The following PAH variants were observed in gnomAD, a reference collection of about 807,000 sequenced individuals.
The protein encoded by PAH is phenylalanine hydroxylase, also known as phenylalanine-4-hydroxylase.
Under a neutral mutation model 62.0 loss-of-function variants are expected in PAH, and 64 were observed. That is an observed-to-expected ratio of 1.03 (90% confidence interval 0.84 to 1.27). PAH has a LOEUF of 1.27. Ranked by LOEUF, PAH falls within the 50% of genes most tolerant of loss-of-function variation. The pLI is 0.00. For missense variants in PAH, 579 were observed against 542.8 expected, an observed-to-expected ratio of 1.07 and a Z score of -0.66; for synonymous variants, 195 against 196.2, an observed-to-expected ratio of 0.99 and a Z score of 0.05.
chr12:102,936,515 C>A (rs1030662876), intron 1 of PAH, among the ~76,000 whole-genome samples: 11 of 152,062 alleles, frequency 7.2e-5, no homozygotes, highest in Non-Finnish European at 1.6e-4. Flanking sequence ...GGGAATCTAC[C>A]TCTTTCTTTA....
chr12:102,851,862 T>C, intron 7 of PAH, 106 bp from the exon 8 acceptor site: 1 of 830,434 alleles, frequency 1.2e-6, no homozygotes, highest in Non-Finnish European at 2.1e-6. Flanking sequence ...AATAACTCTT[T>C]TAGGCTTATG....
At chr12:102,936,502 T>C (rs1261906773) in intron 1 of PAH, among the ~76,000 whole-genome samples, 2 of 152,228 alleles carry the variant, frequency 1.3e-5, no homozygotes, top group Admixed American at 1.3e-4. Flanking sequence ...GCTATTATTG[T>C]ATGGGAATCT....
chr12:102,883,965 G>A (rs914801276), intron 3 of PAH, among the ~76,000 whole-genome samples: 1 of 152,206 alleles, frequency 6.6e-6, no homozygotes, highest in Admixed American at 6.5e-5. Context: ...ACTCATGTAT[G>A]AAGAGTTCTT....
chr12:102,908,858 T>TTTG (rs1878090536), intron 2 of PAH, among the ~76,000 whole-genome samples: 1 of 148,134 alleles, frequency 6.8e-6, no homozygotes, highest in Admixed American at 6.7e-5. Flanking sequence ...TTTTTTTTTT[T>TTTG]GAGACAGAGT....
intron 2 of PAH, among the ~76,000 whole-genome samples, chr12:102,911,213 A>C (rs1433847964): frequency 2.6e-5 from 4 of 152,186 alleles, no homozygotes; most frequent in Non-Finnish European, 5.9e-5. Flanking sequence ...ATGGCAAATC[A>C]AAAACACCAT....
At chr12:102,946,449 G>A (rs142683813) in intron 1 of PAH, 1 of 152,328 alleles carries the variant, frequency 6.6e-6, no homozygotes, top group East Asian at 1.9e-4. Flanking sequence ...CACTAGGATG[G>A]GCAGTTCTCC....
chr12:102,897,105 T>A (rs1372488739), intron 2 of PAH, among the ~76,000 whole-genome samples: 1 of 152,128 alleles, frequency 6.6e-6, no homozygotes, highest in Non-Finnish European at 1.5e-5. Context: ...TGCCTAGGGG[T>A]CAAATTGTTT....
intron 1 of PAH, among the ~76,000 whole-genome samples, chr12:102,913,384 TG>T (rs1453543456): frequency 2.0e-5 from 3 of 152,162 alleles, no homozygotes; most frequent in African/African-American, 7.2e-5. Flanking sequence ...GTACTAAAAA[TG>T]GAACATGCAC....
At chr12:102,928,766 G>A (rs572604761) in intron 1 of PAH, among the ~76,000 whole-genome samples, 13 of 152,198 alleles carry the variant, frequency 8.5e-5, no homozygotes, top group Admixed American at 4.6e-4. Context: ...GTCTCACCAG[G>A]GAAAAAGGTG....
intron 5 of PAH, among the ~76,000 whole-genome samples, chr12:102,857,933 C>A (rs1244058218): frequency 6.6e-6 from 1 of 152,282 alleles, no homozygotes; most frequent in African/African-American, 2.4e-5. Flanking sequence ...GCAAAATAAC[C>A]AGCTAACATC....
At chr12:102,857,545 A>C (rs1413944846) in intron 5 of PAH, among the ~76,000 whole-genome samples, 1 of 152,234 alleles carries the variant, frequency 6.6e-6, no homozygotes, top group Non-Finnish European at 1.5e-5. Flanking sequence ...GTTGAAATGA[A>C]GGAAAAAAAT....
intron 2 of PAH, among the ~76,000 whole-genome samples, chr12:102,908,613 A>G (rs1878074804): frequency 6.6e-6 from 1 of 151,834 alleles, no homozygotes. Context: ...AATAGAAATG[A>G]TAGCACAGAG....
upstream of PAH, among the ~76,000 whole-genome samples, chr12:102,952,423 G>A (rs1407349967): frequency 6.6e-6 from 1 of 152,104 alleles, no homozygotes; most frequent in East Asian, 1.9e-4. Context: ...GAGGTGGGGA[G>A]GAGGAGGGAA....
intron 9 of PAH, 121 bp downstream of exon 9, chr12:102,846,774 C>T (rs574553892): frequency 1.3e-6 from 1 of 784,734 alleles, no homozygotes; most frequent in African/African-American, 1.7e-5. Context: ...AAATGTAACC[C>T]ACCACATTCT....
At chr12:102,870,917 C>T (rs1020881829) in intron 4 of PAH, among the ~76,000 whole-genome samples, 1 of 152,168 alleles carries the variant, frequency 6.6e-6, no homozygotes, top group African/African-American at 2.4e-5. Flanking sequence ...ACCTAGTTGC[C>T]CAAGCCCATA....
At chr12:102,843,989 A>G (rs998242445) in intron 10 of PAH, among the ~76,000 whole-genome samples, 1 of 152,174 alleles carries the variant, frequency 6.6e-6, no homozygotes, top group African/African-American at 2.4e-5. Context: ...AGAAAGGAGT[A>G]ATTCATTCCA....
At chr12:102,942,574 T>G (rs1381790941) in intron 1 of PAH, among the ~76,000 whole-genome samples, 1 of 152,012 alleles carries the variant, frequency 6.6e-6, no homozygotes, top group Admixed American at 6.6e-5. Context: ...ATTCTAAAAT[T>G]CATATGAAAC....
At chr12:102,944,485 C>T (rs192175118) in intron 1 of PAH, among the ~76,000 whole-genome samples, 111 of 152,258 alleles carry the variant, frequency 7.3e-4, no homozygotes, top group African/African-American at 2.6e-3. Flanking sequence ...TTTCAAATAG[C>T]CTGTCTTCAA....
chr12:102,902,203 A>G (rs1011160539), intron 2 of PAH, among the ~76,000 whole-genome samples: 1 of 152,210 alleles, frequency 6.6e-6, no homozygotes, highest in Non-Finnish European at 1.5e-5. Flanking sequence ...AGAATGCACA[A>G]TGTGAGGGCA....
Sources: gnomAD v4.1 joint callset for allele counts (sites outside exome capture counted in the v4.1 genomes callset) on GRCh38, gnomAD v4.1.1 for gene constraint, MANE v1.5 for transcripts, NCBI Gene and HGNC (gene_info 2026-07-23, HGNC 2026-07-21) for gene names.